Variants in GBA2 observed in about 807,000 individuals in gnomAD.
GBA2 encodes glucosylceramidase beta 2, also known as non-lysosomal glucosylceramidase.
GBA2 carries 79 observed loss-of-function variants against 112.9 expected under a neutral mutation model. The observed-to-expected ratio is 0.70, with a 90% CI of 0.58 to 0.84. GBA2 has a LOEUF of 0.84. Ranked by LOEUF, GBA2 falls within the 40% of genes least tolerant of loss-of-function variation. The pLI is 0.00. For missense variants in GBA2, 1,043 were observed against 1,190.0 expected, an observed-to-expected ratio of 0.88 and a Z score of 1.82; for synonymous variants, 403 against 434.3, an observed-to-expected ratio of 0.93 and a Z score of 0.90.
intron 3 of GBA2, among the ~76,000 whole-genome samples, chr9:35,742,314 A>C (rs560902276): frequency 2.6e-5 from 4 of 152,020 alleles, no homozygotes; most frequent in African/African-American, 9.7e-5. Context: ...TGCCCATCAG[A>C]CTCATCACCT....
Position 35,744,317 on chromosome 9 carries a change from G to A in GBA2, c.547C>T (p.Arg183Trp), listed in dbSNP as rs754676245. 32 of 1,607,314 alleles carry A rather than the reference G, an allele frequency of 2.0e-5. No individual in the cohort carries two copies. Among genetic ancestry groups the A allele is most frequent in the East Asian group, 1.1e-4 (5 of 44,850 alleles). ...WQLNPGMYQHRTVIADQFTVC... is the reference protein window; with the variant it reads ...WQLNPGMYQHWTVIADQFTVC... ...CTTACTTGGTCAGCGATGACTGTCCGGTGCTGATACATTCCAGGGTTAAGC... is the reference window on the plus strand; with the variant it reads ...CTTACTTGGTCAGCGATGACTGTCCAGTGCTGATACATTCCAGGGTTAAGC... The change falls in exon 3 of 17, where the codon CGG (arginine) becomes TGG (tryptophan). Residue 183 changes from arginine (R) to tryptophan (W), a missense_variant. Physicochemically the swap from Arg to Trp is moderately radical, Grantham distance 101. Coordinates refer to ENST00000378103, the MANE Select transcript of GBA2 (RefSeq NM_020944.3).
At position 35,746,496 on chromosome 9, in the gene GBA2, C is replaced by G. The variant is rs1196333944; in HGVS notation, c.360-1790G>C. On this transcript the variant is annotated intron_variant, in intron 1 of 16. Coordinates refer to ENST00000378103, the MANE Select transcript of GBA2 (RefSeq NM_020944.3). This position sits in a 1 kb window ranked among gnomAD's most constrained non-coding sequence, Gnocchi z 5.2. Reference sequence around the variant, plus strand: ...ATCCCAGCTACTCAGGAGGCTGAGGCAGGAGAATCGCTTGAACCCAGGAGA... The same window carrying G: ...ATCCCAGCTACTCAGGAGGCTGAGGGAGGAGAATCGCTTGAACCCAGGAGA... Among the ~76,000 whole-genome samples, 2 of 152,078 alleles carry G rather than the reference C, an allele frequency of 1.3e-5. No individual in the cohort carries two copies. The highest frequency in any genetic ancestry group is 1.3e-4 in the Admixed American group (2 of 15,262).
rs1484976956 is a variant in GBA2, at chr9:35,739,758, T to C, written c.1452A>G (p.Leu484=). 9 of 1,613,928 alleles carry C rather than the reference T, an allele frequency of 5.6e-6. No homozygotes were observed. The highest frequency in any genetic ancestry group is 5.3e-5 in the African/African-American group (4 of 74,902). ...CTGTGCCTCCATCAGCCAGGAAGTA[T>C]AGTTCATTGAACAGCGCAGATTTGT... is the stretch of plus-strand genomic sequence containing the variant. The part of the protein sequence containing the change: ...AWYKSALFNE[L]YFLADGGTVW... The change falls in exon 9 of 17, where the codon CTA becomes CTG. Residue 484 remains leucine (L), a synonymous_variant. Coordinates refer to ENST00000378103, the MANE Select transcript of GBA2 (RefSeq NM_020944.3).
chr9:35,741,666 C>T lies in GBA2; in HGVS notation c.786+6G>A, dbSNP rs28584995. The T allele has an allele frequency of 1.3e-6, 2 of 1,550,708 alleles. No individual in the cohort carries two copies. Among genetic ancestry groups the T allele is most frequent in the East Asian group, 4.5e-5 (2 of 44,574 alleles). On this transcript the variant is annotated splice_donor_region_variant and intron_variant, in intron 4 of 16. Transcript: ENST00000378103. The surrounding 1 kb of genome is among the most constrained non-coding windows in gnomAD (Gnocchi z 4.6). Reference sequence around the variant, plus strand: ...GCAATGGAAGATACAGATGTGGGGGCCTCACCTGGTAGTCATGGGGCAAGA... The same window carrying T: ...GCAATGGAAGATACAGATGTGGGGGTCTCACCTGGTAGTCATGGGGCAAGA...
chr9:35,745,243 C>A (rs1010303819), intron 1 of GBA2, among the ~76,000 whole-genome samples: 1 of 152,086 alleles, frequency 6.6e-6, no homozygotes, highest in Non-Finnish European at 1.5e-5. Context: ...CTGCCTCAGC[C>A]TCCCAAGTAG....
Position 35,749,012 on chromosome 9 carries a change from G to T in GBA2, c.-308C>A, listed in dbSNP as rs1476608405. ...AGGGCGACTGGGCCCGCAGAGAGGG[G>T]AGGAGCCGCGGGGCCAGCCCACCAG... On this transcript the variant is annotated 5_prime_UTR_variant, in exon 1 of 17. Transcript: ENST00000378103. The surrounding 1 kb of genome is among the most constrained non-coding windows in gnomAD (Gnocchi z 4.4). 2 of 250,014 alleles carry T rather than the reference G, an allele frequency of 8.0e-6. No homozygotes were observed. Among genetic ancestry groups the T allele is most frequent in the Non-Finnish European group, 1.5e-5 (2 of 133,934 alleles). 15.5% of individuals were successfully genotyped at this position (250,014 alleles called of 1,614,324 possible).
Position 35,737,025 on chromosome 9 carries a change from C to A in GBA2, c.*144G>T. ...TGCTGCCTAGGTCACCCTCAACCCCCATTTACTGGCACAATTGGGTGGAGA... is the reference window on the plus strand; with the variant it reads ...TGCTGCCTAGGTCACCCTCAACCCCAATTTACTGGCACAATTGGGTGGAGA... On this transcript the variant is annotated 3_prime_UTR_variant, in exon 17 of 17. Coordinates refer to ENST00000378103, the MANE Select transcript of GBA2 (RefSeq NM_020944.3). This position sits in a 1 kb window ranked among gnomAD's most constrained non-coding sequence, Gnocchi z 4.1. 1 of 1,288,228 alleles carries A rather than the reference C, an allele frequency of 7.8e-7. No individual in the cohort carries two copies. The highest frequency in any genetic ancestry group is 2.4e-5 in the East Asian group (1 of 42,054). 79.8% of individuals were successfully genotyped at this position (1,288,228 alleles called of 1,614,324 possible).
In GBA2 at chr9:35,741,578, G is replaced by A. The variant is rs113333287; in HGVS notation, c.786+94C>T. The A allele has an allele frequency of 2.3e-4, 195 of 856,252 alleles. No homozygotes were observed. Among genetic ancestry groups the A allele is most frequent in the African/African-American group, 2.3e-3 (137 of 60,628 alleles). The allele number at this position is 856,252 out of a possible 1,614,324, so 53.0% of individuals were successfully genotyped here. On this transcript the variant is annotated intron_variant, in intron 4 of 16. Transcript: ENST00000378103. This position sits in a 1 kb window ranked among gnomAD's most constrained non-coding sequence, Gnocchi z 4.6. The stretch of plus-strand genomic sequence containing the variant: ...CTCCCAAAGTGTTGGGATTACAGGC[G>A]TGAGCTACCGCGCCTCGCAGGCCAT...
At chr9:35,738,435 A>C in intron 13 of GBA2, 61 bp from the exon 14 acceptor site, 1 of 1,596,984 alleles carries the variant, frequency 6.3e-7, no homozygotes, top group Non-Finnish European at 8.6e-7. Flanking sequence ...CATGCCGTGT[A>C]ATAGACAATG....
intron 10 of GBA2, 87 bp downstream of exon 10, chr9:35,739,228 G>A: frequency 1.9e-6 from 2 of 1,070,066 alleles, no homozygotes; most frequent in Middle Eastern, 2.1e-4. Flanking sequence ...ATGAAGGGAA[G>A]GGAAAGAAGA....
chr9:35,740,795 G>A lies in GBA2; in HGVS notation c.1026+30C>T, dbSNP rs768822055. Reference sequence around the variant, plus strand: ...GCTGGGGTGGAGGTGGGGTTCAGGGGCTAAGGTATAGGGCAGGCTCTTTCC... The same window carrying A: ...GCTGGGGTGGAGGTGGGGTTCAGGGACTAAGGTATAGGGCAGGCTCTTTCC... On this transcript the variant is annotated intron_variant, in intron 5 of 16. Transcript: ENST00000378103. The surrounding 1 kb of genome is among the most constrained non-coding windows in gnomAD (Gnocchi z 4.7). 35 of 1,612,020 alleles carry A rather than the reference G, an allele frequency of 2.2e-5. 1 individual carries two copies. The South Asian group carries it at 3.7e-4, about 17-fold the overall frequency.
chr9:35,741,697 G>A lies in GBA2; in HGVS notation c.761C>T (p.Thr254Ile). The change falls in exon 4 of 17, where the codon ACA becomes ATA. Residue 254 changes from threonine (T) to isoleucine (I), a missense_variant. Transcript: ENST00000378103. This position sits in a 1 kb window ranked among gnomAD's most constrained non-coding sequence, Gnocchi z 4.6. ...QNVTLTCRQI[T>I]PILPHDYQDS... ...CTGGTAGTCATGGGGCAAGATGGGT[G>A]TGATCTGACGGCAGGTGAGGGTGAC... 1 of 1,612,150 alleles carries A rather than the reference G, an allele frequency of 6.2e-7. No homozygotes were observed. Among genetic ancestry groups the A allele is most frequent in the South Asian group, 1.1e-5 (1 of 91,052 alleles).
chr9:35,739,030 G>A lies in GBA2; in HGVS notation c.1767C>T (p.Asn589=), dbSNP rs551404840. 3.8e-5 allele frequency: 61 copies of A among 1,613,326 alleles called. No homozygotes were observed. Among genetic ancestry groups the A allele is most frequent in the Admixed American group, 3.3e-5 (2 of 59,978 alleles). The stretch of plus-strand genomic sequence containing the variant: ...GGTCCCCAATATCATGGGGGATGAC[G>A]TTCCTCCTTTTCACAGGTGCCATCA... ...SGVMAPVKRR[N]VIPHDIGDPD... The change falls in exon 11 of 17, where the codon AAC becomes AAT. Residue 589 remains asparagine, a synonymous_variant. Transcript: ENST00000378103.
In GBA2 at chr9:35,737,822, C is replaced by G. The variant is rs772758704; in HGVS notation, c.2431G>C (p.Asp811His). Residue 811 changes from aspartate to histidine, a missense_variant, in exon 16 of 17, where the codon GAT becomes CAT. Asp to His is a moderately conservative substitution (Grantham distance 81, BLOSUM62 -1). Transcript: ENST00000378103. The surrounding 1 kb of genome is among the most constrained non-coding windows in gnomAD (Gnocchi z 4.1). The part of the protein sequence containing the change: ...VNGMQPHGVP[D>H]KSSVQSDEVW... ...TCATCAGACTGCACACTGGATTTAT[C>G]AGGGACACCATGGGGCTGCATCCCA... 6 of 1,614,002 alleles carry G rather than the reference C, an allele frequency of 3.7e-6. No individual in the cohort carries two copies. The South Asian group carries it at 6.6e-5, about 18-fold the overall frequency.
In GBA2 at chr9:35,737,389, C is replaced by T. The variant is rs762268140; in HGVS notation, c.2564G>A (p.Arg855His). The T allele has an allele frequency of 2.5e-5, 41 of 1,613,978 alleles. No homozygotes were observed. Among genetic ancestry groups the T allele is most frequent in the Admixed American group, 1.2e-4 (7 of 60,016 alleles). ...AEGCYRTVWE[R>H]LGLAFQTPEA... ...TGGGGTCTGGAAGGCCAGACCCAGG[C>T]GCTCCCACACGGTACGGTAGCAGCC... Residue 855 changes from arginine to histidine, a missense_variant, in exon 17 of 17, where the codon CGC (arginine) becomes CAC (histidine). Transcript: ENST00000378103. The surrounding 1 kb of genome is among the most constrained non-coding windows in gnomAD (Gnocchi z 4.1).
Position 35,741,254 on chromosome 9 carries a change from T to G in GBA2, c.787-190A>C, listed in dbSNP as rs573395609. On this transcript the variant is annotated intron_variant, in intron 4 of 16. Coordinates refer to ENST00000378103, the MANE Select transcript of GBA2 (RefSeq NM_020944.3). The surrounding 1 kb of genome is among the most constrained non-coding windows in gnomAD (Gnocchi z 4.6). ...AGGGAATATAGAAGACCAGAACCAG[T>G]TGGGCGGTGGTTCTGGGAAGCCAGT... 1 of 623,248 alleles carries G rather than the reference T, an allele frequency of 1.6e-6. No homozygotes were observed. The highest frequency in any genetic ancestry group is 2.1e-5 in the South Asian group (1 of 47,744). 38.6% of individuals were successfully genotyped at this position (623,248 alleles called of 1,614,324 possible). A position where few individuals can be genotyped will look rare whatever the true frequency, so the allele number is the denominator to read the frequency against.
chr9:35,740,655 G>T lies in GBA2; in HGVS notation c.1027-27C>A. The T allele has an allele frequency of 6.3e-7, 1 of 1,575,002 alleles. No homozygotes were observed. Among genetic ancestry groups the T allele is most frequent in the Non-Finnish European group, 8.7e-7 (1 of 1,144,836 alleles). On this transcript the variant is annotated intron_variant, in intron 5 of 16. Coordinates refer to ENST00000378103, the MANE Select transcript of GBA2 (RefSeq NM_020944.3). This position sits in a 1 kb window ranked among gnomAD's most constrained non-coding sequence, Gnocchi z 4.7. ...TGTGAAGGGGTCAGGGACTGTGAGG[G>T]CAGGCTCCACGAGTACACTGGGTCC...
At position 35,738,763 on chromosome 9, in the gene GBA2, G is replaced by A; in HGVS notation, c.1936C>T (p.Pro646Ser). ...GDQNFLKDMW[P>S]VCLAVMESEM... ...TGTGCATCCCTTACTAGACACACAG[G>A]CCACATGTCCTTCAGGAAGTTTTGA... is the stretch of plus-strand genomic sequence containing the variant. The change falls in exon 12 of 17, where the codon CCT (proline) becomes TCT (serine). Residue 646 changes from proline to serine, a missense_variant. Coordinates refer to ENST00000378103, the MANE Select transcript of GBA2 (RefSeq NM_020944.3). 2 of 1,614,118 alleles carry A rather than the reference G, an allele frequency of 1.2e-6. No homozygotes were observed. Among genetic ancestry groups the A allele is most frequent in the Non-Finnish European group, 1.7e-6 (2 of 1,179,956 alleles).
Position 35,749,126 on chromosome 9 carries a change from C to G in GBA2, c.-422G>C. On this transcript the variant is annotated 5_prime_UTR_variant, in exon 1 of 17. Transcript: ENST00000378103. The surrounding 1 kb of genome is among the most constrained non-coding windows in gnomAD (Gnocchi z 4.4). Reference sequence around the variant, plus strand: ...CGGCACCGGGTCCCCCAGGATTGGGCGCCAGGTCCCGCCGGCCGGCTCCGG... The same window carrying G: ...CGGCACCGGGTCCCCCAGGATTGGGGGCCAGGTCCCGCCGGCCGGCTCCGG... 3.8e-6 allele frequency: 1 copy of G among 266,244 alleles called. No individual in the cohort carries two copies. Among genetic ancestry groups the G allele is most frequent in the Non-Finnish European group, 7.4e-6 (1 of 135,628 alleles). 16.5% of individuals were successfully genotyped at this position (266,244 alleles called of 1,614,324 possible). A position where few individuals can be genotyped will look rare whatever the true frequency, so the allele number is the denominator to read the frequency against.
Sources: allele counts gnomAD v4.1 joint callset (sites outside exome capture counted in the v4.1 genomes callset), GRCh38; gene constraint gnomAD v4.1.1; non-coding constraint Gnocchi (gnomAD v3.1); transcripts MANE v1.5; gene names NCBI Gene and HGNC (gene_info 2026-07-23, HGNC 2026-07-21).